The following CD5L variants were observed in gnomAD, a reference collection of about 807,000 sequenced individuals.
CD5L encodes CD5 antigen-like.
A neutral mutation model predicts 40.8 loss-of-function variants in CD5L; 39 were observed. That is an observed-to-expected ratio of 0.96 (90% confidence interval 0.74 to 1.25). The LOEUF (loss-of-function observed/expected upper bound fraction) is 1.25, where lower values mean the gene tolerates loss of function less well. Among genes scored for constraint, CD5L ranks in the 50% most tolerant of loss-of-function variants. The pLI is 0.00. For synonymous variants in CD5L, 192 were observed against 169.6 expected (o/e 1.13, Z -1.03); for missense variants, 433 against 435.9 (o/e 0.99, Z 0.06).
chr1:157,832,211 C>T (rs1467026187), intron 5 of CD5L, among the ~76,000 whole-genome samples: 1 of 152,202 alleles, frequency 6.6e-6, no homozygotes, highest in Non-Finnish European at 1.5e-5. Context: ...ATCTTATCCT[C>T]ACACAATCAC....
intron 5 of CD5L, 38 bp downstream of exon 5, chr1:157,833,154 C>T (rs1656093684): frequency 1.3e-6 from 2 of 1,506,696 alleles, no homozygotes; most frequent in Non-Finnish European, 9.1e-7. Context: ...TTATCATCCT[C>T]CTTGCCAGCC....
In CD5L at chr1:157,831,782, C is replaced by A; in HGVS notation, c.*182G>T. The A allele has an allele frequency of 7.6e-7, 1 of 1,310,828 alleles. No individual in the cohort carries two copies. The highest frequency in any genetic ancestry group is 9.8e-7 in the Non-Finnish European group (1 of 1,024,714). The allele number at this position is 1,310,828 out of a possible 1,614,324, so 81.2% of individuals were successfully genotyped here. A position where few individuals can be genotyped will look rare whatever the true frequency, so the allele number is the denominator to read the frequency against. On this transcript the variant is annotated 3_prime_UTR_variant, in exon 6 of 6. Coordinates refer to ENST00000368174, the MANE Select transcript of CD5L (RefSeq NM_005894.3). Reference sequence around the variant, plus strand: ...GAACTCAACAGCTCACATCTACAGGCAGCAATGGGGGCTGCTTGTCCCTGA... The same window carrying A: ...GAACTCAACAGCTCACATCTACAGGAAGCAATGGGGGCTGCTTGTCCCTGA...
intron 1 of CD5L, 84 bp from the exon 2 acceptor site, chr1:157,839,494 T>C (rs1280251857): frequency 2.8e-6 from 4 of 1,423,244 alleles, no homozygotes; most frequent in East Asian, 2.3e-5. Context: ...TTCACAGAAC[T>C]GTGTGAGACA....
chr1:157,838,623 A>G (rs1360500502), intron 2 of CD5L, among the ~76,000 whole-genome samples: 2 of 152,120 alleles, frequency 1.3e-5, no homozygotes, highest in Non-Finnish European at 2.9e-5. Context: ...ATAAAAAAAA[A>G]TTACTTTTTT....
Position 157,831,539 on chromosome 1 carries a change from G to A in CD5L, c.*425C>T. The A allele has an allele frequency of 3.0e-6, 3 of 995,748 alleles. No individual in the cohort carries two copies. Among genetic ancestry groups the A allele is most frequent in the Non-Finnish European group, 2.4e-6 (2 of 837,104 alleles). 61.7% of individuals were successfully genotyped at this position (995,748 alleles called of 1,614,324 possible). On this transcript the variant is annotated 3_prime_UTR_variant, in exon 6 of 6. Coordinates refer to ENST00000368174, the MANE Select transcript of CD5L (RefSeq NM_005894.3). ...TTTTCTTTCAAATGTTCCTTTCATTGTTTCATTCCTTTAATGTTTGCAGAC... is the reference window on the plus strand; with the variant it reads ...TTTTCTTTCAAATGTTCCTTTCATTATTTCATTCCTTTAATGTTTGCAGAC...
chr1:157,827,265 T>C (rs1057106948), downstream of CD5L, among the ~76,000 whole-genome samples: 1 of 93,360 alleles, frequency 1.1e-5, no homozygotes, highest in Non-Finnish European at 2.1e-5. Context: ...GGACAAATGG[T>C]GTATGTGTGT....
At position 157,834,620 on chromosome 1, in the gene CD5L, G is replaced by A. The variant is rs1557940677; in HGVS notation, c.505C>T (p.Leu169Phe). The change falls in exon 4 of 6, where the codon CTC becomes TTC. Residue 169 changes from leucine to phenylalanine, a missense_variant. Transcript: ENST00000368174. ...WYTVCQTGWS[L>F]RAAKVVCRQL... ...CGGCACACCACCTTTGCGGCCCGGA[G>A]GCTCCAGCCTGTCTGGCACACGGTA... The A allele has an allele frequency of 1.2e-6, 2 of 1,614,068 alleles. No homozygotes were observed. The highest frequency in any genetic ancestry group is 2.7e-5 in the African/African-American group (2 of 74,914).
At chr1:157,838,406 A>G (rs1483519674) in intron 2 of CD5L, among the ~76,000 whole-genome samples, 1 of 152,148 alleles carries the variant, frequency 6.6e-6, no homozygotes, top group Non-Finnish European at 1.5e-5. Context: ...TAGAGTTTGG[A>G]TTGGCATTAT....
intron 5 of CD5L, 80 bp downstream of exon 5, chr1:157,833,112 C>T (rs763578502): frequency 7.0e-6 from 8 of 1,140,490 alleles, no homozygotes; most frequent in Admixed American, 4.1e-5. Context: ...TACCCTTTTC[C>T]CCAGAGTACA....
Position 157,836,101 on chromosome 1 carries a change from A to T in CD5L, c.110T>A (p.Val37Glu). Reference protein sequence around the residue: ...VGGLHRCEGRVEVEQKGQWGT... With the variant: ...VGGLHRCEGREEVEQKGQWGT... ...CCACTGGCCTTTCTGTTCCACCTCC[A>T]CCCGCCCTTCACAGCGGTGGAGGCC... The change falls in exon 3 of 6, where the codon GTG becomes GAG. Residue 37 changes from valine (V) to glutamate (E), a missense_variant. By Grantham distance (121) the Val-to-Glu change is moderately radical. Transcript: ENST00000368174. 6.2e-7 allele frequency: 1 copy of T among 1,612,212 alleles called. No individual in the cohort carries two copies. Among genetic ancestry groups the T allele is most frequent in the South Asian group, 1.1e-5 (1 of 90,948 alleles).
At chr1:157,828,889 T>C (rs1479707833), downstream of CD5L, among the ~76,000 whole-genome samples, 1 of 152,244 alleles carries the variant, frequency 6.6e-6, no homozygotes, top group Non-Finnish European at 1.5e-5. Flanking sequence ...TGTAGTCTAA[T>C]GGCTTTGAAT....
rs569424342 is a variant in CD5L at position 157,831,218 on chromosome 1, T to C, written c.*746A>G. On this transcript the variant is annotated 3_prime_UTR_variant, in exon 6 of 6. Coordinates refer to ENST00000368174, the MANE Select transcript of CD5L (RefSeq NM_005894.3). Reference sequence around the variant, plus strand: ...TCTTTGAATAAAGTAAAATGTATTTTTGACATTCCTCTCATTAAATGTCAA... The same window carrying C: ...TCTTTGAATAAAGTAAAATGTATTTCTGACATTCCTCTCATTAAATGTCAA... 1.0e-6 allele frequency: 1 copy of C among 985,346 alleles called. No homozygotes were observed. The highest frequency in any genetic ancestry group is 4.7e-5 in the South Asian group (1 of 21,280). The allele number at this position is 985,346 out of a possible 1,614,324, so 61.0% of individuals were successfully genotyped here. A position where few individuals can be genotyped will look rare whatever the true frequency, so the allele number is the denominator to read the frequency against.
At position 157,836,166 on chromosome 1, in the gene CD5L, A is replaced by G. The variant is rs1557941669; in HGVS notation, c.56-11T>C. 6.2e-7 allele frequency: 1 copy of G among 1,604,582 alleles called. No individual in the cohort carries two copies. The highest frequency in any genetic ancestry group is 1.3e-5 in the African/African-American group (1 of 74,862). ...CTCCAGATGGAGACGCTGCAAAGAG[A>G]CGGGTTGTTAGCTAGAGGCCTGAGA... On this transcript the variant is annotated splice_polypyrimidine_tract_variant and intron_variant, in intron 2 of 5. Transcript: ENST00000368174.
chr1:157,829,789 AATT>A (rs1240709692), downstream of CD5L, among the ~76,000 whole-genome samples: 2 of 152,214 alleles, frequency 1.3e-5, no homozygotes, highest in Non-Finnish European at 2.9e-5. Context: ...ACTTCAAAAA[AATT>A]ATTATGTACC....
At position 157,831,122 on chromosome 1, in the gene CD5L, G is replaced by T; in HGVS notation, c.*842C>A. 1.0e-6 allele frequency: 1 copy of T among 985,326 alleles called. No individual in the cohort carries two copies. Among genetic ancestry groups the T allele is most frequent in the Non-Finnish European group, 1.2e-6 (1 of 829,904 alleles). 61.0% of individuals were successfully genotyped at this position (985,326 alleles called of 1,614,324 possible). A position where few individuals can be genotyped will look rare whatever the true frequency, so the allele number is the denominator to read the frequency against. ...TATTTTTCACTTTCGCTTGGCATAA[G>T]ACACAACTTTAGCCCTCCCTGATCT... On this transcript the variant is annotated 3_prime_UTR_variant, in exon 6 of 6. Coordinates refer to ENST00000368174, the MANE Select transcript of CD5L (RefSeq NM_005894.3).
chr1:157,827,873 A>G (rs1443747478), downstream of CD5L, among the ~76,000 whole-genome samples: 1 of 152,230 alleles, frequency 6.6e-6, no homozygotes, highest in Non-Finnish European at 1.5e-5. Flanking sequence ...GTCCAGAGGC[A>G]ATCATAACTT....
At chr1:157,827,986 A>G (rs1047102615), downstream of CD5L, among the ~76,000 whole-genome samples, 1 of 152,234 alleles carries the variant, frequency 6.6e-6, no homozygotes, top group Admixed American at 6.5e-5. Context: ...ATTTTCTTCC[A>G]GAACCCAGAA....
At position 157,834,605 on chromosome 1, in the gene CD5L, C is replaced by T. The variant is rs917371867; in HGVS notation, c.520G>A (p.Val174Met). ...QTGWSLRAAK[V>M]VCRQLGCGRA... ...CCACATCCCAGCTGCCGGCACACCA[C>T]CTTTGCGGCCCGGAGGCTCCAGCCT... The change falls in exon 4 of 6, where the codon GTG (valine) becomes ATG (methionine). Residue 174 changes from valine to methionine, a missense_variant. Transcript: ENST00000368174. 1.9e-6 allele frequency: 3 copies of T among 1,614,090 alleles called. No homozygotes were observed. In the African/African-American group the frequency reaches 4.0e-5, roughly 22 times the overall value.
At chr1:157,838,012 G>A (rs1030880811) in intron 2 of CD5L, among the ~76,000 whole-genome samples, 2 of 151,862 alleles carry the variant, frequency 1.3e-5, no homozygotes, top group African/African-American at 2.4e-5. Flanking sequence ...TCCTGACCTC[G>A]TGACCTGCCC....
Sources: gnomAD v4.1 joint callset for allele counts (sites outside exome capture counted in the v4.1 genomes callset) on GRCh38, gnomAD v4.1.1 for gene constraint, MANE v1.5 for transcripts, NCBI Gene and HGNC (gene_info 2026-07-23, HGNC 2026-07-21) for gene names.